LAMC1: variants seen among roughly 807,000 people sequenced by gnomAD.
LAMC1 encodes the protein laminin subunit gamma 1, also known as laminin subunit gamma-1.
In LAMC1, 38 loss-of-function variants were observed where a neutral mutation model predicts 173.6. The observed-to-expected ratio is 0.22, with a 90% CI of 0.17 to 0.29. LAMC1 has a LOEUF of 0.29. Among genes scored for constraint, LAMC1 ranks in the 10% least tolerant of loss-of-function variants. The probability of loss-of-function intolerance (pLI) is 1.00; values close to 1 mark genes in which losing one functional copy is unlikely to be tolerated. For synonymous variants in LAMC1, 746 were observed against 749.1 expected (o/e 1.00, Z 0.07); for missense variants, 1,824 against 2,051.8 (o/e 0.89, Z 2.14).
rs573517481 is a variant in LAMC1 at position 183,123,869 on chromosome 1, C to T, written c.2402-762C>T. Among the ~76,000 whole-genome samples the T allele has an allele frequency of 3.9e-5, 6 of 152,120 alleles. No individual in the cohort carries two copies. In the South Asian group the frequency reaches 8.3e-4, roughly 21 times the overall value. On this transcript the variant is annotated intron_variant, in intron 13 of 27. Transcript: ENST00000258341. ...ACTTGTTGAATGAATTAATAAACCT[C>T]GGATTCCCAGAAATTTGAGTCTAAT...
rs1657175485 is a variant in LAMC1, at chr1:183,143,581, T to C, written c.*791T>C. 6.6e-6 allele frequency: 1 copy of C among 152,624 alleles called. No individual in the cohort carries two copies. Among genetic ancestry groups the C allele is most frequent in the African/African-American group, 2.4e-5 (1 of 41,460 alleles). The allele number at this position is 152,624 out of a possible 1,614,324, so 9.5% of individuals were successfully genotyped here. ...ACCAAAAGACATCTTTTGATATTCTTATAAATGGAACTTACACAGAAGAAA... is the reference window on the plus strand; with the variant it reads ...ACCAAAAGACATCTTTTGATATTCTCATAAATGGAACTTACACAGAAGAAA... On this transcript the variant is annotated 3_prime_UTR_variant, in exon 28 of 28. Coordinates refer to ENST00000258341, the MANE Select transcript of LAMC1 (RefSeq NM_002293.4).
intron 23 of LAMC1, 46 bp from the exon 24 acceptor site, chr1:183,134,996 G>A: frequency 4.7e-6 from 7 of 1,496,878 alleles, no homozygotes; most frequent in Non-Finnish European, 6.5e-6. Flanking sequence ...GAGACAGAAG[G>A]GATTTGCTTT....
chr1:183,024,693 T>A (rs1173350338), intron 1 of LAMC1, among the ~76,000 whole-genome samples: 1 of 152,228 alleles, frequency 6.6e-6, no homozygotes, highest in African/African-American at 2.4e-5. Context: ...TTATTGTTCT[T>A]TATAGCTGCT....
Position 183,110,564 on chromosome 1 carries a change from A to G in LAMC1, c.931A>G (p.Thr311Ala), listed in dbSNP as rs1656118734. The stretch of plus-strand genomic sequence containing the variant: ...GCTGGTGTGTAATTGCAAACATAAC[A>G]CATATGGAGTAGACTGTGAAAAGTG... ...DKLVCNCKHN[T>A]YGVDCEKCLP... Residue 311 changes from threonine (T) to alanine (A), a missense_variant, in exon 4 of 28, where the codon ACA becomes GCA. By Grantham distance (58) the Thr-to-Ala change is moderately conservative. Transcript: ENST00000258341. 1 of 1,613,884 alleles carries G rather than the reference A, an allele frequency of 6.2e-7. No homozygotes were observed. Among genetic ancestry groups the G allele is most frequent in the South Asian group, 1.1e-5 (1 of 91,078 alleles).
At chr1:183,127,546 AAAT>A (rs1417296799) in intron 17 of LAMC1, 142 bp downstream of exon 17, 1 of 634,154 alleles carries the variant, frequency 1.6e-6, no homozygotes, top group African/African-American at 1.8e-5. Flanking sequence ...GTTGGGAGGC[AAAT>A]AATAAAAAAT....
In LAMC1 at chr1:183,106,196, GA is replaced by G. The variant is rs946952197; in HGVS notation, c.724-2071del. On this transcript the variant is annotated intron_variant, in intron 2 of 27. Coordinates refer to ENST00000258341, the MANE Select transcript of LAMC1 (RefSeq NM_002293.4). The stretch of plus-strand genomic sequence containing the variant: ...TCTGTTCTTTAAAGATGCCCATTAG[GA>G]AAAAAAAATGGCTTAGCTTTTTGAG... 7.1e-4 allele frequency among the ~76,000 whole-genome samples: 107 copies of G among 150,370 alleles called. 1 individual carries two copies. Among genetic ancestry groups the G allele is most frequent in the Admixed American group, 2.6e-3 (40 of 15,124 alleles).
At chr1:183,114,041 T>A (rs1272957298) in intron 4 of LAMC1, among the ~76,000 whole-genome samples, 1 of 152,132 alleles carries the variant, frequency 6.6e-6, no homozygotes, top group African/African-American at 2.4e-5. Context: ...TTTATTGACA[T>A]CCTGTTGGGT....
At chr1:183,139,444 C>T (rs1369611596) in intron 26 of LAMC1, among the ~76,000 whole-genome samples, 1 of 152,158 alleles carries the variant, frequency 6.6e-6, no homozygotes, top group East Asian at 1.9e-4. Flanking sequence ...CTTGGCCGGC[C>T]CTGGCAGGGT....
Position 183,128,980 on chromosome 1 carries a change from C to T in LAMC1, c.3280+230C>T, listed in dbSNP as rs966140676. Among the ~76,000 whole-genome samples, 9 of 151,566 alleles carry T rather than the reference C, an allele frequency of 5.9e-5. No homozygotes were observed. The South Asian group carries it at 6.2e-4, about 11-fold the overall frequency. ...ATTTTCCAACAAATAAAAAACTATT[C>T]GATATTCAAATTTCAAGCATTTTAT... is the stretch of plus-strand genomic sequence containing the variant. On this transcript the variant is annotated intron_variant, in intron 18 of 27. Transcript: ENST00000258341.
intron 1 of LAMC1, among the ~76,000 whole-genome samples, chr1:183,062,700 C>T (rs1333474139): frequency 6.6e-6 from 1 of 152,046 alleles, no homozygotes; most frequent in Non-Finnish European, 1.5e-5. Context: ...GCCTGTAATC[C>T]TAGCACTTTG....
Position 183,115,604 on chromosome 1 carries a change from C to G in LAMC1, c.1295C>G (p.Pro432Arg), listed in dbSNP as rs747845677. ...GGGGACAAATGTGACCGTTGCCAGC[C>G]TGGATTCCATTCTCTCACTGAAGCA... Reference protein sequence around the residue: ...VMGDKCDRCQPGFHSLTEAGC... With the variant: ...VMGDKCDRCQRGFHSLTEAGC... Residue 432 changes from proline (P) to arginine (R), a missense_variant, in exon 6 of 28, where the codon CCT becomes CGT. Transcript: ENST00000258341. 5.0e-6 allele frequency: 8 copies of G among 1,613,658 alleles called. No homozygotes were observed. In the African/African-American group the frequency reaches 9.3e-5, roughly 19 times the overall value.
At chr1:183,134,618 A>T in intron 22 of LAMC1, 42 bp from the exon 23 acceptor site, 2 of 1,534,314 alleles carry the variant, frequency 1.3e-6, no homozygotes, top group Middle Eastern at 3.5e-4. Context: ...ATTAGTTTAA[A>T]TGTTTTATCC....
intron 1 of LAMC1, among the ~76,000 whole-genome samples, chr1:183,052,156 C>G (rs944805563): frequency 6.6e-6 from 1 of 152,092 alleles, no homozygotes; most frequent in Non-Finnish European, 1.5e-5. Flanking sequence ...TTCTGCTTCC[C>G]CTGTTTTGTT....
intron 1 of LAMC1, among the ~76,000 whole-genome samples, chr1:183,045,060 G>A (rs1222650194): frequency 1.3e-5 from 2 of 150,998 alleles, no homozygotes; most frequent in African/African-American, 4.9e-5. Flanking sequence ...AGGAAATTCT[G>A]TTGTCACCTA....
At position 183,127,481 on chromosome 1, in the gene LAMC1, G is replaced by GAAA. The variant is rs899342710; in HGVS notation, c.3123+80_3123+82dup. ...AACTTACTGTGCACTAATCTCTATA[G>GAAA]AAAAAGTGGTGAACAAGGTAGATGT... On this transcript the variant is annotated intron_variant, in intron 17 of 27. Transcript: ENST00000258341. The GAAA allele has an allele frequency of 3.7e-6, 5 of 1,360,268 alleles. No individual in the cohort carries two copies. In the African/African-American group the frequency reaches 7.2e-5, roughly 20 times the overall value. The allele number at this position is 1,360,268 out of a possible 1,614,324, so 84.3% of individuals were successfully genotyped here. A position where few individuals can be genotyped will look rare whatever the true frequency, so the allele number is the denominator to read the frequency against.
At chr1:183,108,973 G>C (rs1656065827) in intron 3 of LAMC1, among the ~76,000 whole-genome samples, 1 of 152,190 alleles carries the variant, frequency 6.6e-6, no homozygotes, top group Non-Finnish European at 1.5e-5. Context: ...TTGGTTGGAT[G>C]CAAGAGGATG....
chr1:183,105,224 C>CAA (rs35512159), intron 2 of LAMC1, among the ~76,000 whole-genome samples: 231 of 40,368 alleles, frequency 5.7e-3, no homozygotes, highest in Middle Eastern at 0.016. Context: ...GACTCCATCT[C>CAA]AAAAAAAAAA....
intron 11 of LAMC1, among the ~76,000 whole-genome samples, chr1:183,120,706 A>G (rs1219182997): frequency 2.6e-5 from 4 of 152,226 alleles, no homozygotes; most frequent in Non-Finnish European, 1.5e-5. Flanking sequence ...CCATTGGTCT[A>G]AGGCAATATA....
rs915624794 is a variant in LAMC1 at position 183,060,973 on chromosome 1, G to A, written c.418+36839G>A. ...CAATTGAGATGTGTTAGGAAGGGTA[G>A]CCATTTTAGTTTTTTTGTCAGAAGT... On this transcript the variant is annotated intron_variant, in intron 1 of 27. Transcript: ENST00000258341. Among the ~76,000 whole-genome samples, 25 of 152,302 alleles carry A rather than the reference G, an allele frequency of 1.6e-4. No homozygotes were observed. In the East Asian group the frequency reaches 4.4e-3, roughly 27 times the overall value.
Sources: gnomAD v4.1 joint callset for allele counts (sites outside exome capture counted in the v4.1 genomes callset) on GRCh38, gnomAD v4.1.1 for gene constraint, MANE v1.5 for transcripts, NCBI Gene and HGNC (gene_info 2026-07-23, HGNC 2026-07-21) for gene names.